Variants in TEKT3 observed in about 807,000 individuals in gnomAD.
TEKT3 encodes the protein tektin-3.
Under a neutral mutation model 49.8 loss-of-function variants are expected in TEKT3, and 49 were observed. The observed-to-expected ratio is 0.98, with a 90% CI of 0.78 to 1.25. The LOEUF (loss-of-function observed/expected upper bound fraction) is 1.25, where lower values mean the gene tolerates loss of function less well. TEKT3 is among the 50% of genes most tolerant of loss of function. The probability of loss-of-function intolerance (pLI) is 0.00; values close to 1 mark genes in which losing one functional copy is unlikely to be tolerated. For synonymous variants in TEKT3, 225 were observed against 237.2 expected, an observed-to-expected ratio of 0.95 and a Z score of 0.47; for missense variants, 595 against 629.5, an observed-to-expected ratio of 0.95 and a Z score of 0.59.
chr17:15,304,943 C>A lies in TEKT3; in HGVS notation c.1257-791G>T, dbSNP rs971491949. Among the ~76,000 whole-genome samples the A allele has an allele frequency of 1.3e-5, 2 of 152,206 alleles. No individual in the cohort carries two copies. Among genetic ancestry groups the A allele is most frequent in the Admixed American group, 6.5e-5 (1 of 15,290 alleles). On this transcript the variant is annotated intron_variant, in intron 8 of 8. Coordinates refer to ENST00000395930, the MANE Select transcript of TEKT3 (RefSeq NM_031898.3). The surrounding 1 kb of genome is among the most constrained non-coding windows in gnomAD (Gnocchi z 4.7). The stretch of plus-strand genomic sequence containing the variant: ...TGTTGTGACTTCCAAAAGGACCAAG[C>A]CTTTTACGGCACTCAGGGTCTTGTG...
At chr17:15,330,878 C>A in intron 3 of TEKT3, 129 bp downstream of exon 3, 1 of 976,238 alleles carries the variant, frequency 1.0e-6, no homozygotes, top group African/African-American at 1.7e-5. Context: ...AAAACAGTCA[C>A]AGATTTATTG....
chr17:15,332,046 G>C (rs111578049), intron 2 of TEKT3, among the ~76,000 whole-genome samples: 5,270 of 151,242 alleles, frequency 0.035, 158 homozygotes, highest in African/African-American at 0.076. Context: ...AGCTGTTGTG[G>C]CAGGCACCTG....
chr17:15,326,126 G>T (rs401664), intron 4 of TEKT3, among the ~76,000 whole-genome samples: 2 of 152,164 alleles, frequency 1.3e-5, no homozygotes, highest in Non-Finnish European at 2.9e-5. Context: ...AATGTCATGG[G>T]TCACTAAGAA....
At chr17:15,341,627 G>C (rs1257285948), upstream of TEKT3, 2 of 152,310 alleles carry the variant, frequency 1.3e-5, no homozygotes, top group African/African-American at 2.4e-5. Flanking sequence ...CCCTGGCCCC[G>C]CCTTTCCTAT....
chr17:15,343,194 A>G (rs1484639033), upstream of TEKT3, among the ~76,000 whole-genome samples: 2 of 152,238 alleles, frequency 1.3e-5, no homozygotes, highest in Non-Finnish European at 2.9e-5. Context: ...AATTCATTCA[A>G]TGTCTGATTT....
At chr17:15,328,150 CA>C in intron 3 of TEKT3, 75 bp from the exon 4 acceptor site, 1 of 1,389,092 alleles carries the variant, frequency 7.2e-7, no homozygotes. Flanking sequence ...TAATTTGTTT[CA>C]AAAATAAGTC....
chr17:15,326,620 C>T (rs1223422048), intron 4 of TEKT3, among the ~76,000 whole-genome samples: 1 of 151,992 alleles, frequency 6.6e-6, no homozygotes, highest in Non-Finnish European at 1.5e-5. Flanking sequence ...AACACTGGTA[C>T]CATCAATAGA....
Position 15,331,751 on chromosome 17 carries a change from T to C in TEKT3, c.-29-137A>G, listed in dbSNP as rs142548510. On this transcript the variant is annotated intron_variant, in intron 2 of 8. Transcript: ENST00000395930. The stretch of plus-strand genomic sequence containing the variant: ...ATTAGATGCTTGTTCTCATTTGTTA[T>C]CCACATTCACCATTGATAATATATT... The C allele has an allele frequency of 2.2e-4, 140 of 640,634 alleles. 2 individuals are homozygous for C. In the African/African-American group the frequency reaches 2.4e-3, roughly 11 times the overall value. 39.7% of individuals were successfully genotyped at this position (640,634 alleles called of 1,614,324 possible). A position where few individuals can be genotyped will look rare whatever the true frequency, so the allele number is the denominator to read the frequency against.
At position 15,328,018 on chromosome 17, in the gene TEKT3, C is replaced by A; in HGVS notation, c.637G>T (p.Asp213Tyr). The A allele has an allele frequency of 1.2e-6, 2 of 1,614,036 alleles. No individual in the cohort carries two copies. Among genetic ancestry groups the A allele is most frequent in the Non-Finnish European group, 1.7e-6 (2 of 1,179,932 alleles). The change falls in exon 4 of 9, where the codon GAT (aspartate) becomes TAT (tyrosine). Residue 213 changes from aspartate (D) to tyrosine (Y), a missense_variant. Transcript: ENST00000395930. ...GTCAGCAGTTGTGCTTCAACTTCAT[C>A]GTGAACTAGGTCGATTCCCATTCTC... is the stretch of plus-strand genomic sequence containing the variant. Reference protein sequence around the residue: ...EKRMGIDLVHDEVEAQLLTEV... With the variant: ...EKRMGIDLVHYEVEAQLLTEV...
At chr17:15,333,916 C>A (rs1187817976) in intron 2 of TEKT3, among the ~76,000 whole-genome samples, 1 of 151,902 alleles carries the variant, frequency 6.6e-6, no homozygotes, top group East Asian at 1.9e-4. Flanking sequence ...GTGCCCGCCA[C>A]CATGCCCGGC....
intron 3 of TEKT3, among the ~76,000 whole-genome samples, chr17:15,329,324 T>C (rs1351072251): frequency 2.0e-5 from 3 of 152,316 alleles, no homozygotes; most frequent in African/African-American, 7.2e-5. Context: ...GTGTTGACAA[T>C]AAATTTTCAA....
chr17:15,317,012 G>A (rs1911038748), intron 5 of TEKT3, among the ~76,000 whole-genome samples: 1 of 152,128 alleles, frequency 6.6e-6, no homozygotes, highest in Non-Finnish European at 1.5e-5. Flanking sequence ...GATCCAAGCT[G>A]AGGGTTTCAT....
At chr17:15,307,409 C>T (rs537378246) in intron 8 of TEKT3, among the ~76,000 whole-genome samples, 3 of 152,260 alleles carry the variant, frequency 2.0e-5, no homozygotes, top group Non-Finnish European at 2.9e-5. Flanking sequence ...CTCACCCACT[C>T]CTGCCTCAGT....
intron 1 of TEKT3, among the ~76,000 whole-genome samples, 174 bp from the exon 2 acceptor site, chr17:15,340,235 A>G (rs960031324): frequency 1.3e-5 from 2 of 152,178 alleles, no homozygotes; most frequent in Non-Finnish European, 2.9e-5. Context: ...CACGTACAGC[A>G]TAACCATTCT....
At chr17:15,341,087 T>C (rs558170668) in intron 1 of TEKT3, among the ~76,000 whole-genome samples, 1 of 152,270 alleles carries the variant, frequency 6.6e-6, no homozygotes, top group African/African-American at 2.4e-5. Flanking sequence ...GACCAGGTGA[T>C]TGAACTCTCC....
chr17:15,330,391 T>G (rs977190683), intron 3 of TEKT3, among the ~76,000 whole-genome samples: 3 of 152,082 alleles, frequency 2.0e-5, no homozygotes, highest in African/African-American at 7.2e-5. Flanking sequence ...GATTGGATCG[T>G]GGGGGTAGAT....
intron 1 of TEKT3, among the ~76,000 whole-genome samples, chr17:15,340,901 C>G (rs895060805): frequency 6.6e-6 from 1 of 152,144 alleles, no homozygotes; most frequent in Non-Finnish European, 1.5e-5. Flanking sequence ...AATAATTTTA[C>G]CCATTTCCAG....
chr17:15,339,476 A>G (rs1215260004), intron 2 of TEKT3, among the ~76,000 whole-genome samples: 1 of 152,230 alleles, frequency 6.6e-6, no homozygotes, highest in Non-Finnish European at 1.5e-5. Context: ...AAAAAATGCT[A>G]CAATAGTCTT....
chr17:15,323,216 C>G (rs971071216), intron 4 of TEKT3, among the ~76,000 whole-genome samples: 1 of 152,228 alleles, frequency 6.6e-6, no homozygotes, highest in African/African-American at 2.4e-5. Flanking sequence ...ATCTCTGGAA[C>G]TCATTGGTTG....
Sources: allele counts gnomAD v4.1 joint callset (sites outside exome capture counted in the v4.1 genomes callset), GRCh38; gene constraint gnomAD v4.1.1; non-coding constraint Gnocchi (gnomAD v3.1); transcripts MANE v1.5; gene names NCBI Gene and HGNC (gene_info 2026-07-23, HGNC 2026-07-21).